The following KLF12 variants were observed in gnomAD, a reference collection of about 807,000 sequenced individuals.
KLF12 encodes Krueppel-like factor 12.
KLF12 carries 9 observed loss-of-function variants against 37.8 expected under a neutral mutation model. The ratio of observed to expected loss-of-function variants is 0.24; its 90% CI spans 0.14 to 0.42. The LOEUF (loss-of-function observed/expected upper bound fraction) is 0.42, where lower values mean the gene tolerates loss of function less well. Among genes scored for constraint, KLF12 ranks in the 10% least tolerant of loss-of-function variants. KLF12 has a pLI of 1.00. For missense variants in KLF12, 411 were observed against 516.0 expected (o/e 0.80, Z 1.97); for synonymous variants, 208 against 202.1 (o/e 1.03, Z -0.25).
intron 1 of KLF12, among the ~76,000 whole-genome samples, chr13:74,002,401 G>A (rs1396664802): frequency 6.6e-6 from 1 of 152,060 alleles, no homozygotes; most frequent in Non-Finnish European, 1.5e-5. Context: ...TCGAGACAGG[G>A]TCTCACTCTG....
At chr13:73,929,714 G>A (rs573416590) in intron 3 of KLF12, among the ~76,000 whole-genome samples, 15 of 152,268 alleles carry the variant, frequency 9.9e-5, no homozygotes, top group African/African-American at 3.4e-4. Context: ...CAAGTGTGTG[G>A]TGCCAGAAAT....
At chr13:74,195,758 C>G in the KLF12 span, among the ~76,000 whole-genome samples, 1 of 152,072 alleles carries the variant, frequency 6.6e-6, no homozygotes, top group Admixed American at 6.6e-5. Context: ...ACCACTATGC[C>G]TAGCTAATTT....
chr13:73,704,727 C>G (rs911458712), intron 7 of KLF12, among the ~76,000 whole-genome samples: 4 of 152,154 alleles, frequency 2.6e-5, no homozygotes, highest in Admixed American at 6.5e-5. Flanking sequence ...CTCTTCACAC[C>G]ACGCTGTGAT....
intron 1 of KLF12, among the ~76,000 whole-genome samples, chr13:73,996,205 A>G (rs184473797): frequency 1.4e-4 from 21 of 152,218 alleles, no homozygotes; most frequent in Non-Finnish European, 1.6e-4. Flanking sequence ...AATATGCACT[A>G]CAGCTTTTAC....
intron 5 of KLF12, among the ~76,000 whole-genome samples, chr13:73,787,817 C>T (rs775578322): frequency 2.0e-5 from 3 of 151,920 alleles, no homozygotes; most frequent in African/African-American, 7.3e-5. Flanking sequence ...AAAAAAAGTA[C>T]GTAGTACATT....
intron 2 of KLF12, among the ~76,000 whole-genome samples, chr13:73,972,802 G>T (rs977712998): frequency 6.6e-6 from 1 of 150,778 alleles, no homozygotes; most frequent in Non-Finnish European, 1.5e-5. Flanking sequence ...TGTGTGTTTT[G>T]CCCGTGTGAG....
the KLF12 span, among the ~76,000 whole-genome samples, chr13:74,233,363 C>G: frequency 6.6e-6 from 1 of 152,210 alleles, no homozygotes; most frequent in East Asian, 1.9e-4. Flanking sequence ...GAAATGCATA[C>G]CTGTGGTGGG....
the KLF12 span, among the ~76,000 whole-genome samples, chr13:74,240,211 T>C: frequency 6.6e-6 from 1 of 151,412 alleles, no homozygotes; most frequent in Admixed American, 6.6e-5. Flanking sequence ...GAAGCTTAGT[T>C]TGGCTGGATA....
chr13:74,227,340 G>C, the KLF12 span, among the ~76,000 whole-genome samples: 3 of 152,158 alleles, frequency 2.0e-5, no homozygotes, highest in African/African-American at 7.2e-5. Context: ...GAGTGTGTTT[G>C]TGGTTAATAT....
chr13:73,822,484 C>T (rs1883583481), intron 4 of KLF12, among the ~76,000 whole-genome samples: 1 of 152,148 alleles, frequency 6.6e-6, no homozygotes, highest in Non-Finnish European at 1.5e-5. Flanking sequence ...AATTCCACCA[C>T]TTTGGGAGGC....
At chr13:73,932,051 C>T (rs1456939542) in intron 3 of KLF12, among the ~76,000 whole-genome samples, 1 of 151,718 alleles carries the variant, frequency 6.6e-6, no homozygotes, top group Admixed American at 6.6e-5. Context: ...AAAGAAATTC[C>T]TTCTTTATCT....
intron 4 of KLF12, chr13:73,844,776 C>T (rs1338329668): frequency 5.3e-5 from 8 of 152,056 alleles, no homozygotes; most frequent in Admixed American, 1.3e-4. Flanking sequence ...ATGTACTCAT[C>T]GATCATATTT....
At chr13:73,873,051 G>A (rs1594197419) in intron 3 of KLF12, among the ~76,000 whole-genome samples, 1 of 151,854 alleles carries the variant, frequency 6.6e-6, no homozygotes. Context: ...CATCTTTCTC[G>A]GTTACATCAT....
intron 1 of KLF12, among the ~76,000 whole-genome samples, chr13:74,116,962 G>A (rs1205965347): frequency 6.6e-6 from 1 of 151,890 alleles, no homozygotes; most frequent in African/African-American, 2.4e-5. Flanking sequence ...GCAAGATTTG[G>A]TAAAAAATCT....
Position 73,806,059 on chromosome 13 carries a change from CA to C in KLF12, c.806+7092del, listed in dbSNP as rs774063410. Among the ~76,000 whole-genome samples the C allele has an allele frequency of 2.0e-3, 300 of 151,344 alleles. 1 individual carries two copies. Among genetic ancestry groups the C allele is most frequent in the Non-Finnish European group, 3.8e-3 (255 of 67,924 alleles). ...CAAGTGATACACTGCCTCGGCCTCT[CA>C]AAATGTTGGGATTACAGGTGTCACC... On this transcript the variant is annotated intron_variant, in intron 5 of 7. Coordinates refer to ENST00000377669, the MANE Select transcript of KLF12 (RefSeq NM_007249.5).
intron 3 of KLF12, among the ~76,000 whole-genome samples, chr13:73,847,810 G>A (rs965564156): frequency 6.6e-6 from 1 of 151,892 alleles, no homozygotes; most frequent in African/African-American, 2.4e-5. Context: ...TCTTTTCAAA[G>A]ACATTTAAAA....
chr13:74,138,037 G>T (rs6562803), upstream of KLF12, among the ~76,000 whole-genome samples: 147,027 of 152,354 alleles, frequency 0.97, 71,177 homozygotes, highest in Middle Eastern at 1. Context: ...ATTACAGGCG[G>T]GAGCCACCGC....
chr13:73,857,160 T>TTA (rs1188344569), intron 3 of KLF12, among the ~76,000 whole-genome samples: 2 of 152,172 alleles, frequency 1.3e-5, no homozygotes, highest in Non-Finnish European at 1.5e-5. Flanking sequence ...AAGACAGTCT[T>TTA]TATGTTTGAA....
At chr13:73,887,544 G>A (rs570717123) in intron 3 of KLF12, among the ~76,000 whole-genome samples, 1 of 152,246 alleles carries the variant, frequency 6.6e-6, no homozygotes, top group African/African-American at 2.4e-5. Flanking sequence ...AGGTTCCCAA[G>A]GCCCTCACCA....
Sources: allele counts gnomAD v4.1 joint callset (sites outside exome capture counted in the v4.1 genomes callset), GRCh38; gene constraint gnomAD v4.1.1; transcripts MANE v1.5; gene names NCBI Gene and HGNC (gene_info 2026-07-23, HGNC 2026-07-21).